The following RBFOX1 variants were observed in gnomAD, a reference collection of about 807,000 sequenced individuals.
The protein encoded by RBFOX1 is RNA binding protein fox-1 homolog 1.
RBFOX1 carries 8 observed loss-of-function variants against 57.7 expected under a neutral mutation model. The observed-to-expected ratio is 0.14, with a 90% CI of 0.08 to 0.25. The LOEUF (loss-of-function observed/expected upper bound fraction) is 0.25, where lower values mean the gene tolerates loss of function less well. Among genes scored for constraint, RBFOX1 ranks in the 10% least tolerant of loss-of-function variants. The probability of loss-of-function intolerance (pLI) is 1.00; values close to 1 mark genes in which losing one functional copy is unlikely to be tolerated. For missense variants in RBFOX1, 611 were observed against 548.5 expected (o/e 1.11, Z -1.14); for synonymous variants, 326 against 222.4 (o/e 1.47, Z -4.15).
At chr16:5,894,078 G>A (rs1361652258) in intron 4 of RBFOX1, among the ~76,000 whole-genome samples, 1 of 152,090 alleles carries the variant, frequency 6.6e-6, no homozygotes, top group Non-Finnish European at 1.5e-5. Context: ...AATGGTCATG[G>A]TGTGGGTGAG....
chr16:7,012,957 G>A (rs1015851904), intron 3 of RBFOX1, among the ~76,000 whole-genome samples: 2 of 152,086 alleles, frequency 1.3e-5, no homozygotes, highest in Non-Finnish European at 2.9e-5. Context: ...GTTGGCAGAT[G>A]GCCACCTTCT....
chr16:5,985,925 T>C (rs985932075), intron 4 of RBFOX1, among the ~76,000 whole-genome samples: 4 of 152,204 alleles, frequency 2.6e-5, no homozygotes, highest in African/African-American at 9.7e-5. Context: ...CTACTTTTCA[T>C]CTTTTCATAT....
chr16:6,136,918 G>A (rs2096671275), intron 1 of RBFOX1, among the ~76,000 whole-genome samples: 1 of 152,066 alleles, frequency 6.6e-6, no homozygotes, highest in Non-Finnish European at 1.5e-5. Flanking sequence ...CAGTCTCCTA[G>A]CAAAACAATT....
intron 1 of RBFOX1, among the ~76,000 whole-genome samples, chr16:5,311,218 A>G (rs983310954): frequency 8.5e-5 from 13 of 152,146 alleles, no homozygotes; most frequent in African/African-American, 3.1e-4. Flanking sequence ...GTTTGTATGT[A>G]TGTACATACA....
chr16:6,358,349 A>G (rs1337637218), intron 2 of RBFOX1, among the ~76,000 whole-genome samples: 1 of 152,202 alleles, frequency 6.6e-6, no homozygotes. Context: ...AACATTTCAC[A>G]TTTTACCTTC....
chr16:5,325,798 A>G (rs2064553978), intron 1 of RBFOX1, among the ~76,000 whole-genome samples: 1 of 152,186 alleles, frequency 6.6e-6, no homozygotes, highest in African/African-American at 2.4e-5. Context: ...TTGTATGGAT[A>G]TACTGCAGTT....
At chr16:6,835,327 T>C (rs933964163) in intron 3 of RBFOX1, among the ~76,000 whole-genome samples, 2 of 152,144 alleles carry the variant, frequency 1.3e-5, no homozygotes, top group African/African-American at 4.8e-5. Flanking sequence ...CTAGCCCTCA[T>C]ATAGGCATAG....
chr16:7,057,611 G>T (rs529363723), intron 4 of RBFOX1, among the ~76,000 whole-genome samples: 1 of 152,286 alleles, frequency 6.6e-6, no homozygotes, highest in African/African-American at 2.4e-5. Context: ...GGGCCAGTTG[G>T]ATCTGTCCAG....
chr16:5,643,799 C>G (rs142267141), intron 3 of RBFOX1, among the ~76,000 whole-genome samples: 70 of 152,288 alleles, frequency 4.6e-4, no homozygotes, highest in Non-Finnish European at 8.1e-4. Flanking sequence ...CTACTGTCCC[C>G]TAATCACAAG....
intron 11 of RBFOX1, among the ~76,000 whole-genome samples, chr16:7,649,164 A>G (rs537276655): frequency 6.6e-6 from 1 of 152,318 alleles, no homozygotes; most frequent in East Asian, 1.9e-4. Flanking sequence ...TGTTCCCAAA[A>G]GTAAGAGGAG....
At chr16:6,893,247 C>T (rs917731567) in intron 3 of RBFOX1, among the ~76,000 whole-genome samples, 1 of 152,100 alleles carries the variant, frequency 6.6e-6, no homozygotes, top group Non-Finnish European at 1.5e-5. Context: ...CACAGCTTCT[C>T]CCAGAAGAAC....
In RBFOX1 at chr16:6,204,537, C is replaced by T. The variant is rs139539368; in HGVS notation, c.-126-112458C>T. On this transcript the variant is annotated intron_variant, in intron 1 of 15. Coordinates refer to ENST00000550418, the MANE Select transcript of RBFOX1 (RefSeq NM_018723.4). ...AATTATTGTTTAACAGAAATTGGAA[C>T]TAATGTTCTAGGGAGGTTATTTGAA... 6.6e-5 allele frequency among the ~76,000 whole-genome samples: 10 copies of T among 152,220 alleles called. No individual in the cohort carries two copies. The East Asian group carries it at 1.9e-3, about 29-fold the overall frequency.
At chr16:6,807,867 A>C (rs1351254498) in intron 3 of RBFOX1, among the ~76,000 whole-genome samples, 1 of 148,576 alleles carries the variant, frequency 6.7e-6, no homozygotes, top group African/African-American at 2.5e-5. Flanking sequence ...ATGTTAGTAT[A>C]TATATCTAGT....
At chr16:7,088,271 C>A (rs2060285927) in intron 4 of RBFOX1, among the ~76,000 whole-genome samples, 1 of 152,178 alleles carries the variant, frequency 6.6e-6, no homozygotes, top group Non-Finnish European at 1.5e-5. Context: ...TGAGGTATTT[C>A]ATTTAATTAC....
At chr16:6,880,013 C>A (rs181982620) in intron 3 of RBFOX1, among the ~76,000 whole-genome samples, 1 of 152,122 alleles carries the variant, frequency 6.6e-6, no homozygotes, top group Non-Finnish European at 1.5e-5. Flanking sequence ...ATCTTTCATA[C>A]TTGAAGCGCC....
intron 3 of RBFOX1, among the ~76,000 whole-genome samples, chr16:6,661,528 C>A (rs750157386): frequency 9.2e-5 from 14 of 152,114 alleles, no homozygotes; most frequent in Non-Finnish European, 2.1e-4. Context: ...CAAATCTTTA[C>A]TGTATGGGGC....
chr16:6,268,229 A>T (rs1210454766), intron 1 of RBFOX1, among the ~76,000 whole-genome samples: 1 of 152,152 alleles, frequency 6.6e-6, no homozygotes, highest in East Asian at 1.9e-4. Flanking sequence ...TTTGTTTTGA[A>T]TCTGTGTCCC....
Position 7,188,141 on chromosome 16 carries a change from C to G in RBFOX1, c.27+136043C>G, listed in dbSNP as rs75364812. Among the ~76,000 whole-genome samples the G allele has an allele frequency of 9.0e-4, 137 of 152,216 alleles. 2 individuals carry two copies. In the East Asian group the frequency reaches 0.025, roughly 28 times the overall value. ...AATTTTGGAAGATCAGCCAACTCAG[C>G]AAGAGGTGTATTATCTAACTGGAAA... On this transcript the variant is annotated intron_variant, in intron 4 of 15. Transcript: ENST00000550418.
In RBFOX1 at chr16:6,097,344, G is replaced by A. The variant is rs2096257562; in HGVS notation, c.-127+77352G>A. ...TTCTTCCTACCCCTGTGATTTGGGTGGATATTAAAATTTTGCAAGCCGCCA... is the reference window on the plus strand; with the variant it reads ...TTCTTCCTACCCCTGTGATTTGGGTAGATATTAAAATTTTGCAAGCCGCCA... On this transcript the variant is annotated intron_variant, in intron 1 of 15. Transcript: ENST00000550418. This position sits in a 1 kb window ranked among gnomAD's most constrained non-coding sequence, Gnocchi z 5.0. Among the ~76,000 whole-genome samples, 1 of 152,114 alleles carries A rather than the reference G, an allele frequency of 6.6e-6. No homozygotes were observed. The highest frequency in any genetic ancestry group is 2.1e-4 in the South Asian group (1 of 4,820).
Sources: allele counts gnomAD v4.1 joint callset (sites outside exome capture counted in the v4.1 genomes callset), GRCh38; gene constraint gnomAD v4.1.1; non-coding constraint Gnocchi (gnomAD v3.1); transcripts MANE v1.5; gene names NCBI Gene and HGNC (gene_info 2026-07-23, HGNC 2026-07-21).